MGAT4D: variants seen among roughly 807,000 people sequenced by gnomAD.
The protein encoded by MGAT4D is MGAT4 family member D, also known as alpha-1,3-mannosyl-glycoprotein 4-beta-N-acetylglucosaminyltransferase-like protein MGAT4D.
In MGAT4D, 34 loss-of-function variants were observed where a neutral mutation model predicts 15.9. The observed-to-expected ratio is 2.14, with a 90% CI of 1.62 to 2.84. The LOEUF is 2.84. Ranked by LOEUF, MGAT4D falls within the 30% of genes most tolerant of loss-of-function variation. The pLI, the probability that MGAT4D is intolerant of heterozygous loss-of-function variation, is 0.00. For missense variants in MGAT4D, 327 were observed against 140.2 expected, an observed-to-expected ratio of 2.33 and a Z score of -6.73; for synonymous variants, 112 against 48.2, an observed-to-expected ratio of 2.33 and a Z score of -5.49.
chr4:140,460,279 CA>C (rs1731090066), intron 7 of MGAT4D, among the ~76,000 whole-genome samples: 1 of 152,154 alleles, frequency 6.6e-6, no homozygotes, highest in Non-Finnish European at 1.5e-5. Flanking sequence ...TTATAAACAA[CA>C]AACATTTATA....
intron 6 of MGAT4D, among the ~76,000 whole-genome samples, chr4:140,463,338 T>C (rs796676271): frequency 5.9e-5 from 9 of 152,228 alleles, no homozygotes; most frequent in African/African-American, 1.9e-4. Context: ...CAAATTTTCT[T>C]GAGCATAATC....
chr4:140,494,097 C>G (rs751836012), intron 1 of MGAT4D, among the ~76,000 whole-genome samples: 3 of 152,142 alleles, frequency 2.0e-5, no homozygotes, highest in Non-Finnish European at 4.4e-5. Flanking sequence ...AATTGGTTAC[C>G]TGATGTACTT....
intron 1 of MGAT4D, among the ~76,000 whole-genome samples, chr4:140,488,145 T>C (rs1262368080): frequency 6.6e-6 from 1 of 152,188 alleles, no homozygotes; most frequent in Admixed American, 6.5e-5. Flanking sequence ...ATTAATCTTC[T>C]GGAAACACTG....
intron 4 of MGAT4D, among the ~76,000 whole-genome samples, chr4:140,473,906 T>G (rs537299239): frequency 3.3e-5 from 5 of 151,914 alleles, no homozygotes; most frequent in Admixed American, 6.6e-5. Flanking sequence ...CTCGCTATGT[T>G]GCCCAGGCTG....
At chr4:140,461,749 G>A (rs1731191396) in intron 7 of MGAT4D, among the ~76,000 whole-genome samples, 180 bp downstream of exon 7, 2 of 151,932 alleles carry the variant, frequency 1.3e-5, no homozygotes, top group Admixed American at 6.6e-5. Context: ...TTTTAATACA[G>A]TGAGTATTTT....
intron 1 of MGAT4D, among the ~76,000 whole-genome samples, chr4:140,494,881 A>G (rs1279630578): frequency 6.6e-6 from 1 of 152,224 alleles, no homozygotes; most frequent in Non-Finnish European, 1.5e-5. Flanking sequence ...TACCCAACCC[A>G]AAATGTCAAC....
intron 10 of MGAT4D, among the ~76,000 whole-genome samples, chr4:140,444,250 A>G (rs1353739924): frequency 6.6e-6 from 1 of 152,082 alleles, no homozygotes; most frequent in East Asian, 1.9e-4. Flanking sequence ...TCAGGGGTAC[A>G]TGTGTAGGTT....
intron 5 of MGAT4D, among the ~76,000 whole-genome samples, chr4:140,466,356 A>T (rs989082020): frequency 1.3e-5 from 2 of 152,170 alleles, no homozygotes; most frequent in African/African-American, 4.8e-5. Flanking sequence ...GAAAAACTTC[A>T]CATTAAAGGA....
intron 1 of MGAT4D, among the ~76,000 whole-genome samples, chr4:140,484,613 C>A (rs879754788): frequency 1.3e-5 from 2 of 152,120 alleles, no homozygotes; most frequent in East Asian, 3.9e-4. Flanking sequence ...AGCGAACAGG[C>A]AACCTACAGA....
chr4:140,442,552 G>A lies in MGAT4D; in HGVS notation c.*884C>T, dbSNP rs1225971099. ...AAGTTTTCAACAACCAAATTAGAAA[G>A]CCTGATATAAGAGAATTTTGCACCC... On this transcript the variant is annotated 3_prime_UTR_variant, in exon 11 of 11. Transcript: ENST00000511113. 2 of 152,088 alleles carry A rather than the reference G, an allele frequency of 1.3e-5. No homozygotes were observed. Among genetic ancestry groups the A allele is most frequent in the Non-Finnish European group, 2.9e-5 (2 of 67,992 alleles). The allele number at this position is 152,088 out of a possible 1,614,324, so 9.4% of individuals were successfully genotyped here.
intron 10 of MGAT4D, among the ~76,000 whole-genome samples, chr4:140,446,870 C>A (rs1256402161): frequency 6.9e-6 from 1 of 145,936 alleles, no homozygotes; most frequent in Non-Finnish European, 1.5e-5. Context: ...TTAACACTGC[C>A]TTAGCTGTGT....
chr4:140,497,675 G>A (rs1199989804), intron 1 of MGAT4D, among the ~76,000 whole-genome samples: 1 of 152,220 alleles, frequency 6.6e-6, no homozygotes. Context: ...AGGGAGGAGG[G>A]AGGCATGAAG....
chr4:140,451,472 GT>G lies in MGAT4D; in HGVS notation c.1053del (p.Lys351AsnfsTer28). On this transcript the variant is annotated frameshift_variant, in exon 10 of 11. Transcript: ENST00000511113. LOFTEE classifies it high-confidence loss of function. ...KRKKQIRIQY[K>X]PSLFQHVGIH... ...ATACCCACATGCTGGAAAAGAGAAG[GT>G]TTATACTGAATACGTATTTGCTTCT... is the stretch of plus-strand genomic sequence containing the variant. 1.6e-6 allele frequency: 1 copy of G among 617,814 alleles called. No homozygotes were observed. The highest frequency in any genetic ancestry group is 3.0e-6 in the Non-Finnish European group (1 of 337,788). The allele number at this position is 617,814 out of a possible 1,614,324, so 38.3% of individuals were successfully genotyped here.
At chr4:140,444,014 T>C (rs1213621113) in intron 10 of MGAT4D, among the ~76,000 whole-genome samples, 2 of 152,150 alleles carry the variant, frequency 1.3e-5, no homozygotes, top group Non-Finnish European at 2.9e-5. Context: ...AAATAAATCA[T>C]GACAGTTTTT....
Position 140,464,890 on chromosome 4 carries a change from A to C in MGAT4D, c.686+6T>G. ...TTTAAGGCTACTATTTTCTAATATG[A>C]CATACCTGGCTAATTTTTGTGAGGC... is the stretch of plus-strand genomic sequence containing the variant. On this transcript the variant is annotated splice_donor_region_variant and intron_variant, in intron 6 of 10. Transcript: ENST00000511113. The C allele has an allele frequency of 1.4e-6, 1 of 702,068 alleles. No individual in the cohort carries two copies. The allele number at this position is 702,068 out of a possible 1,614,324, so 43.5% of individuals were successfully genotyped here.
chr4:140,466,610 T>G (rs1179667167), intron 5 of MGAT4D, among the ~76,000 whole-genome samples: 1 of 152,166 alleles, frequency 6.6e-6, no homozygotes, highest in Non-Finnish European at 1.5e-5. Context: ...TAAATTAGCT[T>G]AACAATATTT....
intron 6 of MGAT4D, 69 bp from the exon 7 acceptor site, chr4:140,462,073 A>C (rs1001378311): frequency 1.7e-5 from 11 of 654,364 alleles, no homozygotes; most frequent in Non-Finnish European, 2.5e-5. Context: ...ATACTTTAGT[A>C]ATTAAAAAAC....
chr4:140,492,148 G>A (rs1370734572), intron 1 of MGAT4D, among the ~76,000 whole-genome samples: 2 of 152,100 alleles, frequency 1.3e-5, no homozygotes, highest in African/African-American at 2.4e-5. Context: ...TTGCCTTGTG[G>A]GGGGGAAAAT....
Position 140,479,534 on chromosome 4 carries a change from C to T in MGAT4D, c.347G>A (p.Gly116Asp), listed in dbSNP as rs1416180835. The change falls in exon 3 of 11, where the codon GGT becomes GAT. Residue 116 changes from glycine (G) to aspartate (D), a missense_variant. Gly to Asp is a moderately conservative substitution (Grantham distance 94). Transcript: ENST00000511113. ...AATGATTACATCAGGATAAATTCTA[C>T]CTTCTTTCCTTAGATGAGGAAAAAA... ...KFFFPHLRKE[G>D]RIYPDVIIGK... 1.8e-6 allele frequency: 1 copy of T among 553,048 alleles called. No individual in the cohort carries two copies. The highest frequency in any genetic ancestry group is 3.2e-6 in the Non-Finnish European group (1 of 313,208). The allele number at this position is 553,048 out of a possible 1,614,324, so 34.3% of individuals were successfully genotyped here.
Sources: gnomAD v4.1 joint callset for allele counts (sites outside exome capture counted in the v4.1 genomes callset) on GRCh38, gnomAD v4.1.1 for gene constraint, MANE v1.5 for transcripts, NCBI Gene and HGNC (gene_info 2026-07-23, HGNC 2026-07-21) for gene names.